The following CMSS1 variants were observed in gnomAD, a reference collection of about 807,000 sequenced individuals.
The protein encoded by CMSS1 is protein CMSS1.
In CMSS1, 33 loss-of-function variants were observed where a neutral mutation model predicts 43.5. The observed-to-expected ratio is 0.76, with a 90% CI of 0.57 to 1.01. The LOEUF is 1.01. Among genes scored for constraint, CMSS1 ranks in the 50% least tolerant of loss-of-function variants. The pLI, the probability that CMSS1 is intolerant of heterozygous loss-of-function variation, is 0.00. For missense variants in CMSS1, 313 were observed against 326.4 expected, an observed-to-expected ratio of 0.96 and a Z score of 0.32; for synonymous variants, 115 against 117.2, an observed-to-expected ratio of 0.98 and a Z score of 0.12.
intron 1 of CMSS1, among the ~76,000 whole-genome samples, chr3:99,885,386 T>G (rs1705860345): frequency 6.6e-6 from 1 of 152,228 alleles, no homozygotes; most frequent in African/African-American, 2.4e-5. Context: ...CAAACTTATC[T>G]TATTATTGCT....
At chr3:100,026,683 A>G (rs2064928035) in intron 1 of CMSS1, among the ~76,000 whole-genome samples, 1 of 152,084 alleles carries the variant, frequency 6.6e-6, no homozygotes, top group Admixed American at 6.6e-5. Context: ...TGTTGGCTCT[A>G]TCCTCAAAAT....
chr3:99,897,732 A>G (rs1706304602), intron 1 of CMSS1, among the ~76,000 whole-genome samples: 1 of 152,194 alleles, frequency 6.6e-6, no homozygotes, highest in Admixed American at 6.5e-5. Context: ...TTGTCATACC[A>G]CTATCTCATA....
chr3:99,924,052 C>G (rs1207853850), intron 1 of CMSS1, among the ~76,000 whole-genome samples: 1 of 152,188 alleles, frequency 6.6e-6, no homozygotes, highest in East Asian at 1.9e-4. Context: ...TATCACACAT[C>G]TGGTTATCCA....
At chr3:100,030,111 A>G (rs541572236) in intron 1 of CMSS1, among the ~76,000 whole-genome samples, 2 of 152,318 alleles carry the variant, frequency 1.3e-5, no homozygotes, top group East Asian at 1.9e-4. Context: ...CGGAGACCCA[A>G]CGAGCACCAA....
At chr3:100,165,879 C>T (rs2067061657) in intron 4 of CMSS1, among the ~76,000 whole-genome samples, 1 of 152,220 alleles carries the variant, frequency 6.6e-6, no homozygotes, top group Admixed American at 6.5e-5. Context: ...TTTCCATCAA[C>T]TTGCATTCTC....
chr3:99,822,834 A>G (rs1236450453), intron 1 of CMSS1, among the ~76,000 whole-genome samples: 1 of 152,214 alleles, frequency 6.6e-6, no homozygotes, highest in Non-Finnish European at 1.5e-5. Flanking sequence ...TACATGTTCT[A>G]GTTAATTTAA....
intron 1 of CMSS1, among the ~76,000 whole-genome samples, chr3:100,013,033 A>AT (rs1044922677): frequency 6.6e-6 from 1 of 151,600 alleles, no homozygotes; most frequent in Non-Finnish European, 1.5e-5. Flanking sequence ...CACCCAGCCA[A>AT]TTTTTTTGTT....
intron 1 of CMSS1, among the ~76,000 whole-genome samples, chr3:99,979,126 G>T (rs1270785721): frequency 6.6e-6 from 1 of 152,254 alleles, no homozygotes; most frequent in African/African-American, 2.4e-5. Context: ...AATGATAAAT[G>T]TTTGAGGTGA....
At chr3:99,891,682 C>T (rs1277909254) in intron 1 of CMSS1, among the ~76,000 whole-genome samples, 1 of 152,046 alleles carries the variant, frequency 6.6e-6, no homozygotes, top group East Asian at 1.9e-4. Context: ...GAAAATCAGC[C>T]TGAAAACTAT....
chr3:99,949,647 G>C (rs1046180568), intron 1 of CMSS1, among the ~76,000 whole-genome samples: 2 of 152,170 alleles, frequency 1.3e-5, no homozygotes, highest in East Asian at 3.8e-4. Context: ...AGAAGTGCAT[G>C]GTGCTTATGT....
At chr3:99,918,802 T>G (rs1414975154) in intron 1 of CMSS1, among the ~76,000 whole-genome samples, 1 of 152,188 alleles carries the variant, frequency 6.6e-6, no homozygotes, top group Non-Finnish European at 1.5e-5. Context: ...AGAATTACAA[T>G]AACAAAATAT....
intron 1 of CMSS1, chr3:99,924,110 G>T: frequency 1.2e-6 from 1 of 829,406 alleles, no homozygotes; most frequent in Non-Finnish European, 1.9e-6. Context: ...CCTCACCCTG[G>T]ACTATGAGAT....
chr3:99,984,257 T>G (rs956209506), intron 1 of CMSS1, among the ~76,000 whole-genome samples: 22 of 152,200 alleles, frequency 1.4e-4, no homozygotes, highest in African/African-American at 5.3e-4. Flanking sequence ...ATTCATGTAT[T>G]TATTATGTAG....
intron 1 of CMSS1, among the ~76,000 whole-genome samples, chr3:100,070,291 A>G (rs1164849425): frequency 6.6e-6 from 1 of 152,228 alleles, no homozygotes; most frequent in East Asian, 1.9e-4. Flanking sequence ...GGGAAAATTG[A>G]TCACCATAAT....
intron 1 of CMSS1, among the ~76,000 whole-genome samples, chr3:99,832,559 A>AG (rs1301106626): frequency 9.0e-5 from 9 of 99,718 alleles, no homozygotes; most frequent in Non-Finnish European, 1.6e-4. Flanking sequence ...AAAAAAAAAA[A>AG]AGGCCTAGCG....
intron 1 of CMSS1, among the ~76,000 whole-genome samples, chr3:100,026,126 C>T (rs2064916105): frequency 6.6e-6 from 1 of 152,058 alleles, no homozygotes; most frequent in African/African-American, 2.4e-5. Context: ...CGAGGCTGGA[C>T]CTCTGTATCA....
rs966170242 is a variant in CMSS1 at position 99,842,196 on chromosome 3, A to G, written c.64+24153A>G. On this transcript the variant is annotated intron_variant, in intron 1 of 9. Transcript: ENST00000421999. ...ATGGCATTCGTAGCAACCTGGATGGAATTGGAGACTATTGTTCTAAGTGAA... is the reference window on the plus strand; with the variant it reads ...ATGGCATTCGTAGCAACCTGGATGGGATTGGAGACTATTGTTCTAAGTGAA... Among the ~76,000 whole-genome samples, 3 of 152,188 alleles carry G rather than the reference A, an allele frequency of 2.0e-5. No homozygotes were observed. The South Asian group carries it at 6.2e-4, about 32-fold the overall frequency.
At chr3:99,988,609 T>A (rs775780981) in intron 1 of CMSS1, among the ~76,000 whole-genome samples, 13 of 152,154 alleles carry the variant, frequency 8.5e-5, no homozygotes, top group Non-Finnish European at 1.5e-4. Flanking sequence ...AACTTTGTTT[T>A]AAAGACCATT....
chr3:99,921,179 G>A (rs2107650446), intron 1 of CMSS1, among the ~76,000 whole-genome samples: 1 of 152,302 alleles, frequency 6.6e-6, no homozygotes, highest in East Asian at 1.9e-4. Flanking sequence ...ACTCAGTGAA[G>A]TTGGAAGGAC....
Sources: allele counts gnomAD v4.1 joint callset (sites outside exome capture counted in the v4.1 genomes callset), GRCh38; gene constraint gnomAD v4.1.1; transcripts MANE v1.5; gene names NCBI Gene and HGNC (gene_info 2026-07-23, HGNC 2026-07-21).